SFMBT1: variants seen among roughly 807,000 people sequenced by gnomAD.
SFMBT1 encodes Scm like with four mbt domains 1.
A neutral mutation model predicts 108.7 loss-of-function variants in SFMBT1; 32 were observed. The observed-to-expected ratio is 0.29, with a 90% CI of 0.22 to 0.40. The LOEUF (loss-of-function observed/expected upper bound fraction) is 0.40, where lower values mean the gene tolerates loss of function less well. Among genes scored for constraint, SFMBT1 ranks in the 10% least tolerant of loss-of-function variants. The pLI is 1.00. For synonymous variants in SFMBT1, 348 were observed against 369.5 expected (o/e 0.94, Z 0.67); for missense variants, 816 against 1,059.6 (o/e 0.77, Z 3.19).
intron 1 of SFMBT1, among the ~76,000 whole-genome samples, chr3:53,044,581 T>C (rs766400236): frequency 3.9e-5 from 6 of 152,170 alleles, no homozygotes; most frequent in Non-Finnish European, 5.9e-5. Context: ...TCTCGCCAGT[T>C]GACAAATTAA....
At chr3:52,958,262 C>A (rs60887045) in intron 2 of SFMBT1, among the ~76,000 whole-genome samples, 13,775 of 152,224 alleles carry the variant, frequency 0.09, 642 homozygotes, top group African/African-American at 0.099. Flanking sequence ...CAATGAGATA[C>A]CATCTCACGC....
intron 13 of SFMBT1, among the ~76,000 whole-genome samples, chr3:52,917,139 T>G (rs2336161): frequency 0.97 from 147,883 of 152,208 alleles, 71,993 homozygotes; most frequent in Middle Eastern, 1. Flanking sequence ...CTCTACTTGG[T>G]ATAAATGTCT....
chr3:52,932,268 C>G lies in SFMBT1; in HGVS notation c.494G>C (p.Gly165Ala). The change falls in exon 6 of 21, where the codon GGA becomes GCA. Residue 165 changes from glycine to alanine, a missense_variant. By Grantham distance (60) the Gly-to-Ala change is moderately conservative (BLOSUM62 0). Coordinates refer to ENST00000394752, the MANE Select transcript of SFMBT1 (RefSeq NM_016329.4). Reference protein sequence around the residue: ...GRNPLDLIAPGSRLECQAFQD... With the variant: ...GRNPLDLIAPASRLECQAFQD... The stretch of plus-strand genomic sequence containing the variant: ...GAAAGCTTGACATTCTAGTCTGGAT[C>G]CTGGAGCAATGAGATCTAAAGGATT... The G allele has an allele frequency of 6.2e-7, 1 of 1,614,134 alleles. No individual in the cohort carries two copies. Among genetic ancestry groups the G allele is most frequent in the Non-Finnish European group, 8.5e-7 (1 of 1,180,014 alleles).
At chr3:53,023,591 C>T (rs1699385104) in intron 1 of SFMBT1, among the ~76,000 whole-genome samples, 1 of 152,176 alleles carries the variant, frequency 6.6e-6, no homozygotes, top group African/African-American at 2.4e-5. Flanking sequence ...ACTCTCCCTG[C>T]ATCATCAGGC....
At chr3:53,002,681 T>A (rs1044043064) in intron 1 of SFMBT1, among the ~76,000 whole-genome samples, 2 of 150,074 alleles carry the variant, frequency 1.3e-5, no homozygotes, top group Non-Finnish European at 3.0e-5. Flanking sequence ...CTACAGTCAT[T>A]GGGCTCAAGA....
intron 1 of SFMBT1, chr3:53,045,371 G>C (rs1198276580): frequency 4.2e-5 from 6 of 142,794 alleles, no homozygotes; most frequent in Non-Finnish European, 6.2e-5. Flanking sequence ...GGCGGAGCGC[G>C]GGGCGCGCGC....
At chr3:52,937,277 G>A (rs1314353928) in intron 4 of SFMBT1, among the ~76,000 whole-genome samples, 1 of 151,482 alleles carries the variant, frequency 6.6e-6, no homozygotes, top group Non-Finnish European at 1.5e-5. Context: ...TTTTGTTATT[G>A]TTGTCCTTAG....
Position 52,912,574 on chromosome 3 carries a change from G to C in SFMBT1, c.1694C>G (p.Ser565Cys). Residue 565 changes from serine to cysteine, a missense_variant, in exon 16 of 21, where the codon TCT becomes TGT. Around this residue, in one of 5 missense-constraint regions of SFMBT1, gnomAD observed 79 missense variants for 120.8 expected, o/e 0.65. Transcript: ENST00000394752. ...VLRELQLDKD[S>C]VWHGCGEVLK... ...GACTTCCCCACATCCGTGCCACACA[G>C]AGTCTTTGTCCAGCTGGAGCTCCCG... 2 of 1,614,144 alleles carry C rather than the reference G, an allele frequency of 1.2e-6. No homozygotes were observed. Among genetic ancestry groups the C allele is most frequent in the Non-Finnish European group, 1.7e-6 (2 of 1,179,992 alleles).
intron 1 of SFMBT1, among the ~76,000 whole-genome samples, chr3:52,972,563 CATTTA>C (rs923144464): frequency 6.6e-6 from 1 of 152,018 alleles, no homozygotes; most frequent in Non-Finnish European, 1.5e-5. Context: ...TTTATTTTAT[CATTTA>C]TTTTGGTATT....
Position 53,001,925 on chromosome 3 carries a change from T to TCTCTCA in SFMBT1, c.-130-32668_-130-32667insTGAGAG, listed in dbSNP as rs1448849638. ...GGGCAACAGAGCAAGACCCAGTCTCTCACACACACACACACACACACACAC... is the reference window on the plus strand; with the variant it reads ...GGGCAACAGAGCAAGACCCAGTCTCTCTCTCACACACACACACACACACACACACAC... On this transcript the variant is annotated intron_variant, in intron 1 of 20. Transcript: ENST00000394752. Among the ~76,000 whole-genome samples, 297 of 129,234 alleles carry TCTCTCA rather than the reference T, an allele frequency of 2.3e-3. 20 individuals carry two copies. Among genetic ancestry groups the TCTCTCA allele is most frequent in the Admixed American group, 0.019 (234 of 12,128 alleles). The allele number at this position is 129,234 out of a possible 152,430, so 84.8% of individuals were successfully genotyped here. A position where few individuals can be genotyped will look rare whatever the true frequency, so the allele number is the denominator to read the frequency against.
At chr3:52,936,928 C>G (rs1339569388) in intron 4 of SFMBT1, among the ~76,000 whole-genome samples, 1 of 129,414 alleles carries the variant, frequency 7.7e-6, no homozygotes. Context: ...GAGTCTTGCT[C>G]TGTCCCAGGT....
chr3:52,972,744 A>ACAC (rs1704385870), intron 1 of SFMBT1, among the ~76,000 whole-genome samples: 3 of 95,092 alleles, frequency 3.2e-5, no homozygotes, highest in African/African-American at 4.4e-5. Flanking sequence ...ATCTCTACTA[A>ACAC]ACACACACAC....
intron 1 of SFMBT1, among the ~76,000 whole-genome samples, chr3:53,016,573 A>T (rs1274097660): frequency 6.6e-6 from 1 of 152,172 alleles, no homozygotes; most frequent in African/African-American, 2.4e-5. Flanking sequence ...AAGTGAGACA[A>T]TGCCTTTTCT....
rs1039602697 is a variant in SFMBT1, at chr3:53,015,082, C to T, written c.-131+30734G>A. Among the ~76,000 whole-genome samples the T allele has an allele frequency of 4.0e-5, 6 of 151,840 alleles. 1 individual carries two copies. In the East Asian group the frequency reaches 5.8e-4, roughly 15 times the overall value. On this transcript the variant is annotated intron_variant, in intron 1 of 20. Transcript: ENST00000394752. ...AAACTTAGCTGGGCATGGTGGTGTA[C>T]GCCTGTAGTCACAGCTACTGAGGAG...
At position 52,981,379 on chromosome 3, in the gene SFMBT1, T is replaced by C. The variant is rs1425662934; in HGVS notation, c.-130-12121A>G. 3.3e-5 allele frequency among the ~76,000 whole-genome samples: 5 copies of C among 152,080 alleles called. No homozygotes were observed. In the East Asian group the frequency reaches 7.7e-4, roughly 24 times the overall value. ...CTGAATAGGTTTCTGTGGAATTTTT[T>C]TGAGACAGGGTCTTGTTCTGTCACC... is the stretch of plus-strand genomic sequence containing the variant. On this transcript the variant is annotated intron_variant, in intron 1 of 20. Coordinates refer to ENST00000394752, the MANE Select transcript of SFMBT1 (RefSeq NM_016329.4).
intron 1 of SFMBT1, among the ~76,000 whole-genome samples, chr3:52,988,888 G>T (rs910794087): frequency 6.6e-5 from 10 of 152,138 alleles, no homozygotes; most frequent in African/African-American, 2.4e-4. Context: ...AGCGCAGCAG[G>T]ACACTTGGCA....
At chr3:52,975,978 T>A (rs1423346373) in intron 1 of SFMBT1, among the ~76,000 whole-genome samples, 3 of 151,944 alleles carry the variant, frequency 2.0e-5, no homozygotes, top group Non-Finnish European at 4.4e-5. Flanking sequence ...GCCGCCGCAC[T>A]CCAACCTGGG....
chr3:52,952,552 A>G (rs960246992), intron 3 of SFMBT1, among the ~76,000 whole-genome samples: 1 of 152,094 alleles, frequency 6.6e-6, no homozygotes, highest in African/African-American at 2.4e-5. Context: ...AACAACAGAA[A>G]TTTACTGCTC....
intron 1 of SFMBT1, among the ~76,000 whole-genome samples, chr3:52,981,866 G>C (rs1285689254): frequency 6.6e-6 from 1 of 152,100 alleles, no homozygotes; most frequent in Admixed American, 6.5e-5. Context: ...CGCCTCGAAG[G>C]GAAAAGATAA....
Sources: gnomAD v4.1 joint callset for allele counts (sites outside exome capture counted in the v4.1 genomes callset) on GRCh38, gnomAD v4.1.1 for gene constraint, gnomAD v4.1.1 regional missense constraint, MANE v1.5 for transcripts, NCBI Gene and HGNC (gene_info 2026-07-23, HGNC 2026-07-21) for gene names.